The following MDGA2 variants were observed in gnomAD, a reference collection of about 807,000 sequenced individuals.
The protein encoded by MDGA2 is MAM domain containing glycosylphosphatidylinositol anchor 2, also known as MAM domain-containing glycosylphosphatidylinositol anchor protein 2.
Under a neutral mutation model 117.8 loss-of-function variants are expected in MDGA2, and 40 were observed. The observed-to-expected ratio is 0.34, with a 90% confidence interval of 0.26 to 0.44. The LOEUF is 0.44. MDGA2 is among the 20% of genes least tolerant of loss of function. MDGA2 has a pLI of 1.00. For synonymous variants in MDGA2, 452 were observed against 439.0 expected (o/e 1.03, Z -0.37); for missense variants, 1,123 against 1,250.6 (o/e 0.90, Z 1.54).
At chr14:47,266,989 T>C (rs765005328) in intron 2 of MDGA2, among the ~76,000 whole-genome samples, 1 of 152,294 alleles carries the variant, frequency 6.6e-6, no homozygotes, top group Middle Eastern at 3.4e-3. Flanking sequence ...TTTTTGTCTA[T>C]ATACCTAACT....
chr14:47,200,535 T>TC, intron 3 of MDGA2: 1 of 184,658 alleles, frequency 5.4e-6, no homozygotes, highest in South Asian at 1.4e-4. Flanking sequence ...TTTTCTTTTC[T>TC]TTTTTTTTTT....
At chr14:47,440,469 TG>T (rs1315735149) in intron 1 of MDGA2, among the ~76,000 whole-genome samples, 1 of 152,156 alleles carries the variant, frequency 6.6e-6, no homozygotes, top group African/African-American at 2.4e-5. Context: ...GTCTGCTTAT[TG>T]GGACAGTGAT....
chr14:47,134,130 GA>G (rs1179817156), intron 4 of MDGA2, among the ~76,000 whole-genome samples: 1 of 151,892 alleles, frequency 6.6e-6, no homozygotes, highest in Non-Finnish European at 1.5e-5. Context: ...TTAAATACAT[GA>G]AATCTAATTA....
chr14:47,197,144 A>G (rs1276033338), intron 3 of MDGA2, among the ~76,000 whole-genome samples: 1 of 152,142 alleles, frequency 6.6e-6, no homozygotes, highest in Admixed American at 6.5e-5. Flanking sequence ...GCATGTGTCT[A>G]TTTTTATAAT....
chr14:47,237,327 C>A (rs1052496021), intron 2 of MDGA2, among the ~76,000 whole-genome samples: 1 of 152,114 alleles, frequency 6.6e-6, no homozygotes, highest in Non-Finnish European at 1.5e-5. Context: ...ACTTATGAGC[C>A]GCATTTTACG....
At chr14:47,558,702 CT>C (rs1206225018) in intron 1 of MDGA2, among the ~76,000 whole-genome samples, 1 of 152,096 alleles carries the variant, frequency 6.6e-6, no homozygotes, top group Non-Finnish European at 1.5e-5. Flanking sequence ...CATGCTTATC[CT>C]TTTTATAAGT....
At chr14:47,613,728 GT>G (rs1365207783) in intron 1 of MDGA2, among the ~76,000 whole-genome samples, 1 of 151,996 alleles carries the variant, frequency 6.6e-6, no homozygotes, top group African/African-American at 2.4e-5. Flanking sequence ...TTCATCACAC[GT>G]GATGACAATG....
chr14:47,556,371 C>T (rs1895683375), intron 1 of MDGA2, among the ~76,000 whole-genome samples: 3 of 152,180 alleles, frequency 2.0e-5, no homozygotes, highest in Admixed American at 2.0e-4. Context: ...CCAATACATT[C>T]CCACTCCTGA....
rs56285818 is a variant in MDGA2 at position 47,408,056 on chromosome 14, C to CTTTTTTTTTTTTTTTTTTTTTTTTTTTT, written c.281-106507_281-106506insAAAAAAAAAAAAAAAAAAAAAAAAAAAA. The stretch of plus-strand genomic sequence containing the variant: ...TGAGCCTTAAAATAGGGAGATTATT[C>CTTTTTTTTTTTTTTTTTTTTTTTTTTTT]TTTTTTTTTTTTTTTTTTTTGGTGG... On this transcript the variant is annotated intron_variant, in intron 1 of 16. Coordinates refer to ENST00000399232, the MANE Select transcript of MDGA2 (RefSeq NM_001113498.3). 1.7e-5 allele frequency among the ~76,000 whole-genome samples: 2 copies of CTTTTTTTTTTTTTTTTTTTTTTTTTTTT among 115,186 alleles called. 1 individual carries two copies. The highest frequency in any genetic ancestry group is 3.4e-5 in the Non-Finnish European group (2 of 58,386). 75.6% of individuals were successfully genotyped at this position (115,186 alleles called of 152,430 possible).
At chr14:47,440,564 A>G (rs976467966) in intron 1 of MDGA2, among the ~76,000 whole-genome samples, 2 of 152,142 alleles carry the variant, frequency 1.3e-5, no homozygotes, top group African/African-American at 4.8e-5. Flanking sequence ...ACGCTTTTCC[A>G]GAGAAGAGTG....
chr14:46,995,765 A>T (rs1887266418), intron 8 of MDGA2, among the ~76,000 whole-genome samples: 1 of 152,046 alleles, frequency 6.6e-6, no homozygotes, highest in South Asian at 2.1e-4. Flanking sequence ...AAATGTTTGT[A>T]ATACAATAAT....
intron 6 of MDGA2, among the ~76,000 whole-genome samples, chr14:47,066,958 A>G (rs1890106424): frequency 6.6e-6 from 1 of 152,098 alleles, no homozygotes; most frequent in Admixed American, 6.6e-5. Context: ...TACTAAAAAT[A>G]CAAAAAATTA....
chr14:47,128,641 T>C (rs1353086864), intron 5 of MDGA2, among the ~76,000 whole-genome samples: 1 of 151,930 alleles, frequency 6.6e-6, no homozygotes, highest in Non-Finnish European at 1.5e-5. Flanking sequence ...CTTTTATAAG[T>C]GCTAAGTCCA....
At chr14:47,641,064 C>G (rs1190174991) in intron 1 of MDGA2, among the ~76,000 whole-genome samples, 1 of 151,902 alleles carries the variant, frequency 6.6e-6, no homozygotes, top group Non-Finnish European at 1.5e-5. Context: ...TCATCTTCTT[C>G]CCAGTGAATG....
intron 5 of MDGA2, among the ~76,000 whole-genome samples, chr14:47,126,081 A>T (rs139869991): frequency 6.6e-6 from 1 of 152,080 alleles, no homozygotes; most frequent in Admixed American, 6.6e-5. Flanking sequence ...ATTACCATCT[A>T]AACTTATAAA....
At chr14:47,290,307 T>A (rs1291952316) in intron 2 of MDGA2, among the ~76,000 whole-genome samples, 1 of 152,030 alleles carries the variant, frequency 6.6e-6, no homozygotes, top group East Asian at 1.9e-4. Flanking sequence ...TTGTGCACCC[T>A]TTCTGCCATA....
chr14:47,575,511 T>C (rs1167799072), intron 1 of MDGA2, among the ~76,000 whole-genome samples: 4 of 152,234 alleles, frequency 2.6e-5, no homozygotes, highest in Non-Finnish European at 4.4e-5. Context: ...AACTGCTGAT[T>C]GACTGGCCGA....
chr14:47,233,679 A>T (rs1169611830), intron 2 of MDGA2, among the ~76,000 whole-genome samples: 1 of 152,160 alleles, frequency 6.6e-6, no homozygotes, highest in Non-Finnish European at 1.5e-5. Flanking sequence ...TTTTACGCAA[A>T]GGGCGGGAAA....
At chr14:47,648,646 G>T (rs970711887) in intron 1 of MDGA2, among the ~76,000 whole-genome samples, 15 of 148,636 alleles carry the variant, frequency 1.0e-4, no homozygotes, top group African/African-American at 3.7e-4. Flanking sequence ...AAAGATCTAT[G>T]GCAGACAGGG....
Sources: gnomAD v4.1 joint callset for allele counts (sites outside exome capture counted in the v4.1 genomes callset) on GRCh38, gnomAD v4.1.1 for gene constraint, MANE v1.5 for transcripts, NCBI Gene and HGNC (gene_info 2026-07-23, HGNC 2026-07-21) for gene names.